Variants in ZBTB45 observed in about 807,000 individuals in gnomAD.
The protein encoded by ZBTB45 is zinc finger and BTB domain-containing protein 45.
A neutral mutation model predicts 28.4 loss-of-function variants in ZBTB45; 22 were observed. That is an observed-to-expected ratio of 0.77 (90% CI 0.55 to 1.10). ZBTB45 has a LOEUF of 1.10. Among genes scored for constraint, ZBTB45 ranks in the 50% least tolerant of loss-of-function variants. ZBTB45 has a pLI of 0.00. For synonymous variants in ZBTB45, 361 were observed against 332.3 expected (o/e 1.09, Z -0.94); for missense variants, 656 against 750.2 (o/e 0.87, Z 1.47).
chr19:58,530,533 C>T (rs544311222), intron 1 of ZBTB45, among the ~76,000 whole-genome samples: 32 of 151,812 alleles, frequency 2.1e-4, no homozygotes, highest in Middle Eastern at 3.4e-3. Context: ...CTCAAACTCC[C>T]GACCTCAGGT....
chr19:58,516,938 T>G lies in ZBTB45; in HGVS notation c.736A>C (p.Thr246Pro). 6.2e-7 allele frequency: 1 copy of G among 1,613,224 alleles called. No individual in the cohort carries two copies. Among genetic ancestry groups the G allele is most frequent in the Non-Finnish European group, 8.5e-7 (1 of 1,179,986 alleles). The part of the protein sequence containing the change: ...SFPDCAAGFL[T>P]AAADSACEEP... Reference sequence around the variant, plus strand: ...TCGCACGCGCTGTCAGCAGCAGCAGTGAGGAAGCCAGCAGCACAGTCTGGG... The same window carrying G: ...TCGCACGCGCTGTCAGCAGCAGCAGGGAGGAAGCCAGCAGCACAGTCTGGG... The change falls in exon 2 of 3, where the codon ACT becomes CCT. Residue 246 changes from threonine (T) to proline (P), a missense_variant. Physicochemically the swap from Thr to Pro is conservative, Grantham distance 38 (BLOSUM62 -1). This residue lies in a region of ZBTB45 where 448 missense variants were observed against 444.3 expected (regional missense o/e 1.01). Coordinates refer to ENST00000594051, the MANE Select transcript of ZBTB45 (RefSeq NM_001316979.2). This position sits in a 1 kb window ranked among gnomAD's most constrained non-coding sequence, Gnocchi z 6.2.
At position 58,516,541 on chromosome 19, in the gene ZBTB45, G is replaced by A. The variant is rs775482693; in HGVS notation, c.1133C>T (p.Pro378Leu). ...AAPSTQLGEV[P>L]APSAAPTTAP... Reference sequence around the variant, plus strand: ...CGTGGTGGGAGCAGCAGAGGGAGCCGGGACCTCCCCCAGCTGAGTACTGGG... The same window carrying A: ...CGTGGTGGGAGCAGCAGAGGGAGCCAGGACCTCCCCCAGCTGAGTACTGGG... The change falls in exon 2 of 3, where the codon CCG (proline) becomes CTG (leucine). Residue 378 changes from proline (P) to leucine (L), a missense_variant. By Grantham distance (98) the Pro-to-Leu change is moderately conservative. Coordinates refer to ENST00000594051, the MANE Select transcript of ZBTB45 (RefSeq NM_001316979.2). This position sits in a 1 kb window ranked among gnomAD's most constrained non-coding sequence, Gnocchi z 6.2. 6 of 1,609,162 alleles carry A rather than the reference G, an allele frequency of 3.7e-6. No homozygotes were observed. Among genetic ancestry groups the A allele is most frequent in the Admixed American group, 3.4e-5 (2 of 59,470 alleles).
chr19:58,530,246 AT>A lies in ZBTB45; in HGVS notation c.-1+8454del, dbSNP rs1293496935. Among the ~76,000 whole-genome samples, 7 of 143,076 alleles carry A rather than the reference AT, an allele frequency of 4.9e-5. No homozygotes were observed. The South Asian group carries it at 9.0e-4, about 18-fold the overall frequency. The allele number at this position is 143,076 out of a possible 152,430, so 93.9% of individuals were successfully genotyped here. ...ACACACACACACACACCTCAGTTGT[AT>A]GGATACACCACATTTATTTATCCAT... On this transcript the variant is annotated intron_variant, in intron 1 of 1. Transcript: ENST00000600130.
intron 1 of ZBTB45, chr19:58,519,474 A>C (rs1053914109): frequency 6.6e-6 from 1 of 151,834 alleles, no homozygotes; most frequent in South Asian, 2.1e-4. Flanking sequence ...GGCGCCGCAC[A>C]CTCCCGCCAC....
At position 58,516,950 on chromosome 19, in the gene ZBTB45, C is replaced by T. The variant is rs150129613; in HGVS notation, c.724G>A (p.Ala242Thr). Residue 242 changes from alanine (A) to threonine (T), a missense_variant, in exon 2 of 3, where the codon GCT (alanine) becomes ACT (threonine). By Grantham distance (58) the Ala-to-Thr change is moderately conservative (BLOSUM62 0). Coordinates refer to ENST00000594051, the MANE Select transcript of ZBTB45 (RefSeq NM_001316979.2). This position sits in a 1 kb window ranked among gnomAD's most constrained non-coding sequence, Gnocchi z 6.2. ...TCAGCAGCAGCAGTGAGGAAGCCAG[C>T]AGCACAGTCTGGGAAGGAAGGAGGT... is the stretch of plus-strand genomic sequence containing the variant. ...QAPPSFPDCA[A>T]GFLTAAADSA... 1.8e-4 allele frequency: 284 copies of T among 1,613,320 alleles called. 2 individuals are homozygous for T. In the East Asian group the frequency reaches 6.2e-3, roughly 35 times the overall value.
At chr19:58,523,284 T>C (rs924741563), upstream of ZBTB45, among the ~76,000 whole-genome samples, 11 of 152,004 alleles carry the variant, frequency 7.2e-5, no homozygotes, top group Admixed American at 5.9e-4. Flanking sequence ...GCGTCTGTAA[T>C]CTCATAATTT....
chr19:58,516,505 C>T lies in ZBTB45; in HGVS notation c.1169G>A (p.Gly390Asp). The T allele has an allele frequency of 6.2e-7, 1 of 1,613,510 alleles. No individual in the cohort carries two copies. Among genetic ancestry groups the T allele is most frequent in the Non-Finnish European group, 8.5e-7 (1 of 1,179,716 alleles). The change falls in exon 2 of 3, where the codon GGC becomes GAC. Residue 390 changes from glycine (G) to aspartate (D), a missense_variant. By Grantham distance (94) the Gly-to-Asp change is moderately conservative (BLOSUM62 -1). This residue lies in a region of ZBTB45 where 448 missense variants were observed against 444.3 expected (regional missense o/e 1.01). Transcript: ENST00000594051. The surrounding 1 kb of genome is among the most constrained non-coding windows in gnomAD (Gnocchi z 6.2). The part of the protein sequence containing the change: ...PSAAPTTAPS[G>D]TPARTPGAEP... ...AGCACCTGGGGTGCGAGCAGGGGTG[C>T]CTGAGGGGGCCGTGGTGGGAGCAGC...
chr19:58,523,597 G>A (rs1249739387), upstream of ZBTB45, among the ~76,000 whole-genome samples: 1 of 48,192 alleles, frequency 2.1e-5, no homozygotes, highest in Admixed American at 2.5e-4. Context: ...CTGGGAGGCA[G>A]AGGTTGCAGT....
rs1407152881 is a variant in ZBTB45 at position 58,516,480 on chromosome 19, A to G, written c.1194T>C (p.Ala398=). The G allele has an allele frequency of 1.2e-6, 2 of 1,613,640 alleles. No individual in the cohort carries two copies. Among genetic ancestry groups the G allele is most frequent in the East Asian group, 2.2e-5 (1 of 44,882 alleles). ...GGCTGCACTCATACGTAGGTGGCTC[A>G]GCACCTGGGGTGCGAGCAGGGGTGC... The part of the protein sequence containing the change: ...PSGTPARTPG[A]EPPTYECSHC... Residue 398 remains alanine (A), a synonymous_variant, in exon 2 of 3, where the codon GCT becomes GCC. Coordinates refer to ENST00000594051, the MANE Select transcript of ZBTB45 (RefSeq NM_001316979.2). This position sits in a 1 kb window ranked among gnomAD's most constrained non-coding sequence, Gnocchi z 6.2.
At chr19:58,518,686 G>A (rs2122568703) in intron 1 of ZBTB45, among the ~76,000 whole-genome samples, 1 of 152,228 alleles carries the variant, frequency 6.6e-6, no homozygotes, top group South Asian at 2.1e-4. Flanking sequence ...CAGGTAAACC[G>A]TGATCCTTCG....
chr19:58,526,591 G>A (rs1196578140), intron 1 of ZBTB45, among the ~76,000 whole-genome samples: 24 of 138,262 alleles, frequency 1.7e-4, no homozygotes, highest in Middle Eastern at 7.7e-3. Flanking sequence ...GAGTGCAGTG[G>A]CGGGATCTCG....
rs2053505705 is a variant in ZBTB45, at chr19:58,516,809, A to T, written c.865T>A (p.Ser289Thr). The T allele has an allele frequency of 6.2e-7, 1 of 1,613,652 alleles. No homozygotes were observed. ...GCGCCATCCTCGTCGTGCCAAGTGG[A>T]TACATAGCTGTCTGGAAATACGTCC... is the stretch of plus-strand genomic sequence containing the variant. ...AEDVFPDSYV[S>T]TWHDEDGAVP... is the part of the protein sequence containing the mutation. The change falls in exon 2 of 3, where the codon TCC becomes ACC. Residue 289 changes from serine (S) to threonine (T), a missense_variant. Coordinates refer to ENST00000594051, the MANE Select transcript of ZBTB45 (RefSeq NM_001316979.2). This position sits in a 1 kb window ranked among gnomAD's most constrained non-coding sequence, Gnocchi z 6.2.
chr19:58,518,501 C>T (rs1003491400), intron 1 of ZBTB45, among the ~76,000 whole-genome samples: 4 of 152,044 alleles, frequency 2.6e-5, no homozygotes, highest in African/African-American at 9.7e-5. Context: ...CCTGTGGGGC[C>T]CAGGGTGTGG....
At chr19:58,531,979 T>C (rs903754944) in intron 1 of ZBTB45, among the ~76,000 whole-genome samples, 10 of 152,118 alleles carry the variant, frequency 6.6e-5, no homozygotes, top group Admixed American at 3.3e-4. Context: ...TGGTTCCTAT[T>C]AGCAGGGAAA....
In ZBTB45 at chr19:58,515,907, C is replaced by T. The variant is rs2053486379; in HGVS notation, c.1279+488G>A. On this transcript the variant is annotated intron_variant, in intron 2 of 2. Transcript: ENST00000594051. This position sits in a 1 kb window ranked among gnomAD's most constrained non-coding sequence, Gnocchi z 4.7. Reference sequence around the variant, plus strand: ...ACTACCTATGTTTTCCTACTCATGCCCCAGTCTCAGGAGTTCCTGGGGCCT... The same window carrying T: ...ACTACCTATGTTTTCCTACTCATGCTCCAGTCTCAGGAGTTCCTGGGGCCT... Among the ~76,000 whole-genome samples, 2 of 152,122 alleles carry T rather than the reference C, an allele frequency of 1.3e-5. No individual in the cohort carries two copies. The highest frequency in any genetic ancestry group is 1.3e-4 in the Admixed American group (2 of 15,274).
Position 58,517,685 on chromosome 19 carries a change from A to T in ZBTB45, c.1-12T>A. On this transcript the variant is annotated splice_polypyrimidine_tract_variant and intron_variant, in intron 1 of 2. Transcript: ENST00000594051. ...TCTGCAGCCGCCATCTGCACAGAAC[A>T]AGAGGAGGGCAGGGAGAGGTCAACT... The T allele has an allele frequency of 6.2e-7, 1 of 1,607,556 alleles. No homozygotes were observed. The highest frequency in any genetic ancestry group is 8.5e-7 in the Non-Finnish European group (1 of 1,175,344).
At chr19:58,521,223 C>G (rs534084949), upstream of ZBTB45, among the ~76,000 whole-genome samples, 1 of 137,864 alleles carries the variant, frequency 7.3e-6, no homozygotes, top group African/African-American at 2.7e-5. Context: ...AAAAATTAGC[C>G]GAGCGCGGTG....
Position 58,514,222 on chromosome 19 carries a change from C to G in ZBTB45, c.1368G>C (p.Val456=), listed in dbSNP as rs773416385. ...LLKHMVTHTG[V]RAFQCAVCAK... is the part of the protein sequence containing the mutation. ...CGCAGACGGCGCACTGGAAGGCGCG[C>G]ACGCCGGTGTGCGTGACCATGTGTT... is the stretch of plus-strand genomic sequence containing the variant. The change falls in exon 3 of 3, where the codon GTG becomes GTC. Residue 456 remains valine (V), a synonymous_variant. Coordinates refer to ENST00000594051, the MANE Select transcript of ZBTB45 (RefSeq NM_001316979.2). The G allele has an allele frequency of 8.1e-6, 13 of 1,612,512 alleles. No homozygotes were observed. The Admixed American group carries it at 1.8e-4, about 23-fold the overall frequency.
At chr19:58,534,997 A>G (rs1369329464) in intron 1 of ZBTB45, among the ~76,000 whole-genome samples, 1 of 152,006 alleles carries the variant, frequency 6.6e-6, no homozygotes, top group African/African-American at 2.4e-5. Context: ...CTGGAATTAC[A>G]GGCACCCGCT....
Sources: allele counts gnomAD v4.1 joint callset (sites outside exome capture counted in the v4.1 genomes callset), GRCh38; gene constraint gnomAD v4.1.1; regional missense constraint gnomAD v4.1.1; non-coding constraint Gnocchi (gnomAD v3.1); transcripts MANE v1.5; gene names NCBI Gene and HGNC (gene_info 2026-07-23, HGNC 2026-07-21).